Variants in HDAC4 observed in about 807,000 individuals in gnomAD.
The protein encoded by HDAC4 is histone deacetylase A.
In HDAC4, 16 loss-of-function variants were observed where a neutral mutation model predicts 135.1. The observed-to-expected ratio is 0.12, with a 90% CI of 0.08 to 0.18. The LOEUF (loss-of-function observed/expected upper bound fraction) is 0.18, where lower values mean the gene tolerates loss of function less well. Among genes scored for constraint, HDAC4 ranks in the 10% least tolerant of loss-of-function variants. The pLI is 1.00. For missense variants in HDAC4, 1,143 were observed against 1,511.8 expected (o/e 0.76, Z 4.05); for synonymous variants, 685 against 653.4 (o/e 1.05, Z -0.74).
At chr2:239,056,050 C>T (rs576672607) in intron 24 of HDAC4, among the ~76,000 whole-genome samples, 1 of 152,220 alleles carries the variant, frequency 6.6e-6, no homozygotes, top group Non-Finnish European at 1.5e-5. Flanking sequence ...TGAGAATTTG[C>T]CTGCTTCTAG....
intron 2 of HDAC4, among the ~76,000 whole-genome samples, chr2:239,256,933 C>T (rs748245542): frequency 3.3e-5 from 5 of 152,172 alleles, no homozygotes; most frequent in Non-Finnish European, 7.4e-5. Context: ...CAAGAATCCA[C>T]GTGGGATAGC....
chr2:239,286,349 C>G (rs1174019158), intron 2 of HDAC4, among the ~76,000 whole-genome samples: 1 of 152,108 alleles, frequency 6.6e-6, no homozygotes, highest in African/African-American at 2.4e-5. Flanking sequence ...AAAGGAGATT[C>G]GGTGAGTGAG....
At chr2:239,066,476 A>G (rs553644483) in intron 24 of HDAC4, among the ~76,000 whole-genome samples, 1 of 152,340 alleles carries the variant, frequency 6.6e-6, no homozygotes. Context: ...GAGGACCCTG[A>G]GCCATCTTCT....
chr2:239,226,567 C>T (rs538271943), intron 3 of HDAC4, among the ~76,000 whole-genome samples: 15 of 152,320 alleles, frequency 9.8e-5, no homozygotes, highest in Non-Finnish European at 1.5e-4. Flanking sequence ...AACCAATAAC[C>T]GTCTGCTTTC....
intron 2 of HDAC4, among the ~76,000 whole-genome samples, chr2:239,256,062 T>C (rs1575538939): frequency 6.6e-6 from 1 of 152,390 alleles, no homozygotes; most frequent in Admixed American, 6.5e-5. Context: ...TTTATTTTAA[T>C]GCAAACAGCA....
intron 19 of HDAC4, among the ~76,000 whole-genome samples, chr2:239,084,976 C>A (rs916587771): frequency 6.7e-6 from 1 of 150,060 alleles, no homozygotes; most frequent in South Asian, 2.1e-4. Context: ...TACAAGCACA[C>A]ACACACATAT....
intron 2 of HDAC4, among the ~76,000 whole-genome samples, chr2:239,276,131 A>G (rs2050346743): frequency 6.6e-6 from 1 of 152,186 alleles, no homozygotes; most frequent in South Asian, 2.1e-4. Context: ...CACGGCAGAC[A>G]CCGACCCCCA....
chr2:239,276,160 G>A (rs1172568740), intron 2 of HDAC4, among the ~76,000 whole-genome samples: 2 of 152,232 alleles, frequency 1.3e-5, no homozygotes, highest in East Asian at 3.9e-4. Context: ...AGTTCACTCT[G>A]GTGGCAACGC....
intron 24 of HDAC4, among the ~76,000 whole-genome samples, chr2:239,057,294 T>C (rs543153306): frequency 2.6e-5 from 4 of 152,362 alleles, no homozygotes; most frequent in African/African-American, 7.2e-5. Flanking sequence ...AGATCGCAGT[T>C]ACTGAAATGA....
chr2:239,124,024 G>A (rs1166845440), intron 12 of HDAC4, among the ~76,000 whole-genome samples: 3 of 151,712 alleles, frequency 2.0e-5, no homozygotes, highest in African/African-American at 7.3e-5. Flanking sequence ...GGAGTGAGGG[G>A]GGCACTTTCA....
At chr2:239,066,660 C>T in intron 24 of HDAC4, 62 bp downstream of exon 24, 1 of 1,611,010 alleles carries the variant, frequency 6.2e-7, no homozygotes, top group East Asian at 2.2e-5. Flanking sequence ...CTCGGGCAGC[C>T]AGGCCACAAC....
At chr2:239,162,509 C>G (rs1012698149) in intron 6 of HDAC4, among the ~76,000 whole-genome samples, 6 of 152,234 alleles carry the variant, frequency 3.9e-5, no homozygotes, top group African/African-American at 1.4e-4. Context: ...TGGACTGGCT[C>G]TGGGGGCACA....
intron 8 of HDAC4, among the ~76,000 whole-genome samples, chr2:239,142,596 C>G (rs1374635161): frequency 6.8e-6 from 1 of 146,746 alleles, no homozygotes; most frequent in East Asian, 1.9e-4. Context: ...TGCCACAGCT[C>G]AGCACTGATC....
At chr2:239,114,186 G>A (rs1220729798) in intron 13 of HDAC4, among the ~76,000 whole-genome samples, 2 of 152,212 alleles carry the variant, frequency 1.3e-5, no homozygotes, top group African/African-American at 2.4e-5. Context: ...GCTGCTGGGG[G>A]TGGAGATGCA....
At chr2:239,275,721 C>A (rs1430745952) in intron 2 of HDAC4, among the ~76,000 whole-genome samples, 2 of 152,138 alleles carry the variant, frequency 1.3e-5, no homozygotes, top group Admixed American at 6.5e-5. Flanking sequence ...TGCCTGGTCC[C>A]ACTCCCCACC....
intron 2 of HDAC4, among the ~76,000 whole-genome samples, chr2:239,242,201 AAGAG>A (rs1185178641): frequency 1.5e-5 from 2 of 132,978 alleles, no homozygotes; most frequent in South Asian, 2.7e-4. Flanking sequence ...GAGGGAGAGA[AAGAG>A]AGAGGACGAG....
intron 2 of HDAC4, among the ~76,000 whole-genome samples, chr2:239,239,934 C>T (rs759417126): frequency 5.3e-5 from 8 of 152,250 alleles, no homozygotes; most frequent in Non-Finnish European, 1.2e-4. Context: ...GGACGCTAAC[C>T]CCACATGTGG....
intron 2 of HDAC4, among the ~76,000 whole-genome samples, chr2:239,252,320 G>A (rs1449176756): frequency 1.3e-5 from 2 of 152,210 alleles, no homozygotes; most frequent in African/African-American, 4.8e-5. Context: ...AACCTTGCAG[G>A]ACTGAGAGGA....
chr2:239,128,939 G>C (rs776144159), intron 11 of HDAC4, among the ~76,000 whole-genome samples: 3 of 152,200 alleles, frequency 2.0e-5, no homozygotes, highest in Non-Finnish European at 4.4e-5. Flanking sequence ...GCTCCTTCTG[G>C]TCCAGGGCTC....
Sources: allele counts gnomAD v4.1 joint callset (sites outside exome capture counted in the v4.1 genomes callset), GRCh38; gene constraint gnomAD v4.1.1; transcripts MANE v1.5; gene names NCBI Gene and HGNC (gene_info 2026-07-23, HGNC 2026-07-21).